Variants in FGFR2 observed in about 807,000 individuals in gnomAD.
FGFR2 encodes the protein fibroblast growth factor receptor 2, also known as BEK fibroblast growth factor receptor.
A neutral mutation model predicts 95.9 loss-of-function variants in FGFR2; 19 were observed. The ratio of observed to expected loss-of-function variants is 0.20; its 90% CI spans 0.14 to 0.29. FGFR2 has a LOEUF of 0.29. Ranked by LOEUF, FGFR2 falls within the 10% of genes least tolerant of loss-of-function variation. The probability of loss-of-function intolerance (pLI) is 1.00; values close to 1 mark genes in which losing one functional copy is unlikely to be tolerated. For missense variants in FGFR2, 707 were observed against 1,056.9 expected, an observed-to-expected ratio of 0.67 and a Z score of 4.59; for synonymous variants, 392 against 393.3, an observed-to-expected ratio of 1.00 and a Z score of 0.04.
At chr10:121,519,682 G>A (rs1450248808) in intron 7 of FGFR2, among the ~76,000 whole-genome samples, 1 of 152,148 alleles carries the variant, frequency 6.6e-6, no homozygotes, top group East Asian at 1.9e-4. Flanking sequence ...TACTTTTATA[G>A]AGGCGCAGCT....
chr10:121,500,502 T>A (rs140048065), intron 11 of FGFR2, among the ~76,000 whole-genome samples: 3 of 152,170 alleles, frequency 2.0e-5, no homozygotes, highest in Admixed American at 1.3e-4. Context: ...GCTAATAAAT[T>A]CAATTATATG....
At chr10:121,537,107 T>C (rs1852950076) in intron 6 of FGFR2, among the ~76,000 whole-genome samples, 1 of 152,246 alleles carries the variant, frequency 6.6e-6, no homozygotes, top group African/African-American at 2.4e-5. Context: ...TATCTGAACA[T>C]GGTAATTCTC....
intron 2 of FGFR2, among the ~76,000 whole-genome samples, chr10:121,578,198 A>G (rs948845944): frequency 4.7e-5 from 7 of 149,800 alleles, no homozygotes; most frequent in African/African-American, 1.7e-4. Context: ...AAAAAGGCAC[A>G]GACCACTCCA....
At chr10:121,559,107 A>C (rs1856585410) in intron 4 of FGFR2, among the ~76,000 whole-genome samples, 1 of 145,834 alleles carries the variant, frequency 6.9e-6, no homozygotes, top group Non-Finnish European at 1.5e-5. Context: ...TCAATCCAAA[A>C]GGAGAAAAAA....
chr10:121,598,346 C>T lies in FGFR2; in HGVS notation c.-535G>A, dbSNP rs886046767. The T allele has an allele frequency of 1.2e-5, 3 of 253,148 alleles. No homozygotes were observed. The highest frequency in any genetic ancestry group is 2.2e-5 in the Non-Finnish European group (3 of 133,414). The allele number at this position is 253,148 out of a possible 1,614,324, so 15.7% of individuals were successfully genotyped here. A position where few individuals can be genotyped will look rare whatever the true frequency, so the allele number is the denominator to read the frequency against. On this transcript the variant is annotated 5_prime_UTR_variant, in exon 1 of 18. It removes an upstream start codon present in the reference 5' UTR. Coordinates refer to ENST00000358487, the MANE Select transcript of FGFR2 (RefSeq NM_000141.5). ...TCGCCGCGCCGGGCCAGGTACGCCG[C>T]ATGCAGCCCCGCGGCGCCCGAGCTT...
intron 14 of FGFR2, 75 bp downstream of exon 14, chr10:121,487,916 T>C (rs41293779): frequency 1.3e-6 from 2 of 1,595,506 alleles, no homozygotes; most frequent in South Asian, 1.1e-5. Flanking sequence ...GCTCTCAACA[T>C]TGACGGCCTT....
chr10:121,526,667 A>ATCT (rs1340800054), intron 6 of FGFR2: 1 of 398,500 alleles, frequency 2.5e-6, no homozygotes, highest in African/African-American at 2.1e-5. Context: ...CACAGCCAGT[A>ATCT]TCTTGGCTTG....
chr10:121,490,055 A>G lies in FGFR2; in HGVS notation c.1864-1942T>C, dbSNP rs1435839487. 2.0e-5 allele frequency among the ~76,000 whole-genome samples: 3 copies of G among 152,138 alleles called. No homozygotes were observed. The East Asian group carries it at 5.8e-4, about 29-fold the overall frequency. ...GAATGTGCCACATACACTGATTCTA[A>G]ACACTGAAATATTAAATACTTGCTG... is the stretch of plus-strand genomic sequence containing the variant. On this transcript the variant is annotated intron_variant, in intron 13 of 17. Coordinates refer to ENST00000358487, the MANE Select transcript of FGFR2 (RefSeq NM_000141.5).
intron 9 of FGFR2, among the ~76,000 whole-genome samples, chr10:121,512,220 C>T (rs1308421220): frequency 6.6e-6 from 1 of 152,194 alleles, no homozygotes; most frequent in African/African-American, 2.4e-5. Context: ...GCTCTGTCAT[C>T]AACGTATCTG....
chr10:121,549,714 C>A (rs1329086336), intron 5 of FGFR2, among the ~76,000 whole-genome samples: 1 of 152,146 alleles, frequency 6.6e-6, no homozygotes, highest in Non-Finnish European at 1.5e-5. Flanking sequence ...CAGTGGGCAG[C>A]CCCCAGCCAA....
At chr10:121,529,253 C>T (rs931508489) in intron 6 of FGFR2, among the ~76,000 whole-genome samples, 37 of 152,096 alleles carry the variant, frequency 2.4e-4, no homozygotes, top group Non-Finnish European at 4.7e-4. Flanking sequence ...GGATTACAGG[C>T]ACACAACACC....
In FGFR2 at chr10:121,576,109, C is replaced by T. The variant is rs41302263; in HGVS notation, c.110-10405G>A. 2.2e-3 allele frequency among the ~76,000 whole-genome samples: 339 copies of T among 152,216 alleles called. 1 individual carries two copies. The highest frequency in any genetic ancestry group is 7.9e-3 in the African/African-American group (327 of 41,548). On this transcript the variant is annotated intron_variant, in intron 2 of 17. Coordinates refer to ENST00000358487, the MANE Select transcript of FGFR2 (RefSeq NM_000141.5). ...GGGTGAGGCAGGAGAATCGCTTGAA[C>T]CTGGGCGGTGGAGGTTGCCGTGAGC...
chr10:121,572,254 G>A lies in FGFR2; in HGVS notation c.110-6550C>T, dbSNP rs558319655. ...TAGGAAGATCGCTTGAGCCCCAGAGGCTGCACTGAGCTATGATCGCGCCAC... is the reference window on the plus strand; with the variant it reads ...TAGGAAGATCGCTTGAGCCCCAGAGACTGCACTGAGCTATGATCGCGCCAC... On this transcript the variant is annotated intron_variant, in intron 2 of 17. Coordinates refer to ENST00000358487, the MANE Select transcript of FGFR2 (RefSeq NM_000141.5). 1.7e-4 allele frequency among the ~76,000 whole-genome samples: 26 copies of A among 152,018 alleles called. No individual in the cohort carries two copies. In the South Asian group the frequency reaches 5.2e-3, roughly 30 times the overall value.
chr10:121,578,107 C>T (rs1224896778), intron 2 of FGFR2, among the ~76,000 whole-genome samples: 1 of 152,166 alleles, frequency 6.6e-6, no homozygotes, highest in African/African-American at 2.4e-5. Context: ...TGCGCCTAAC[C>T]CATCACCCAT....
At chr10:121,586,485 A>G (rs758398130) in intron 2 of FGFR2, among the ~76,000 whole-genome samples, 5 of 152,252 alleles carry the variant, frequency 3.3e-5, no homozygotes, top group African/African-American at 1.2e-4. Flanking sequence ...CTGACTTGGT[A>G]CTGTCAAAAA....
chr10:121,525,238 A>G (rs1321085793), intron 6 of FGFR2, among the ~76,000 whole-genome samples: 1 of 152,210 alleles, frequency 6.6e-6, no homozygotes, highest in Non-Finnish European at 1.5e-5. Flanking sequence ...CTGGAACAAG[A>G]TGAGAACCTT....
intron 12 of FGFR2, 108 bp from the exon 13 acceptor site, chr10:121,496,830 TTAAAG>T: frequency 2.9e-6 from 3 of 1,043,534 alleles, no homozygotes; most frequent in Non-Finnish European, 4.3e-6. Flanking sequence ...TTTTTTTTTT[TTAAAG>T]TTTAACATAC....
Position 121,594,936 on chromosome 10 carries a change from T to C in FGFR2, c.-150-969A>G, listed in dbSNP as rs533204514. Among the ~76,000 whole-genome samples the C allele has an allele frequency of 5.9e-5, 9 of 152,374 alleles. No individual in the cohort carries two copies. The South Asian group carries it at 1.9e-3, about 32-fold the overall frequency. The stretch of plus-strand genomic sequence containing the variant: ...AGAGGACACTCAACTTAATATTCTG[T>C]TCACCCATTTGATCCAAGGGAAAGA... On this transcript the variant is annotated intron_variant, in intron 1 of 17. Transcript: ENST00000358487.
chr10:121,546,753 A>C (rs1401654790), intron 5 of FGFR2, among the ~76,000 whole-genome samples: 1 of 152,236 alleles, frequency 6.6e-6, no homozygotes, highest in Admixed American at 6.5e-5. Context: ...AAACGGGTAG[A>C]AAGAATGAGA....
Sources: gnomAD v4.1 joint callset for allele counts (sites outside exome capture counted in the v4.1 genomes callset) on GRCh38, gnomAD v4.1.1 for gene constraint, MANE v1.5 for transcripts, NCBI Gene and HGNC (gene_info 2026-07-23, HGNC 2026-07-21) for gene names.